The following GALNT16 variants were observed in gnomAD, a reference collection of about 807,000 sequenced individuals.
GALNT16 encodes the protein UDP-GalNAc:polypeptide N-acetylgalactosaminyltransferase-like protein 1.
A neutral mutation model predicts 76.1 loss-of-function variants in GALNT16; 40 were observed. The observed-to-expected ratio is 0.53, with a 90% CI of 0.41 to 0.68. The LOEUF is 0.68. Ranked by LOEUF, GALNT16 falls within the 30% of genes least tolerant of loss-of-function variation. The pLI is 0.00. For synonymous variants in GALNT16, 276 were observed against 285.2 expected, an observed-to-expected ratio of 0.97 and a Z score of 0.32; for missense variants, 621 against 731.9, an observed-to-expected ratio of 0.85 and a Z score of 1.75.
chr14:69,327,909 G>A (rs987599468), intron 5 of GALNT16, among the ~76,000 whole-genome samples: 1 of 152,216 alleles, frequency 6.6e-6, no homozygotes, highest in Non-Finnish European at 1.5e-5. Flanking sequence ...CTGTCGTCTT[G>A]TTTGATCCTG....
At chr14:69,277,467 T>C (rs1191185632) in intron 1 of GALNT16, among the ~76,000 whole-genome samples, 1 of 152,224 alleles carries the variant, frequency 6.6e-6, no homozygotes, top group East Asian at 1.9e-4. Context: ...AGTGAGAGCA[T>C]GCAGTGTTTG....
intron 9 of GALNT16, among the ~76,000 whole-genome samples, chr14:69,334,043 G>A (rs144957595): frequency 1.6e-3 from 239 of 152,372 alleles, no homozygotes; most frequent in Non-Finnish European, 2.6e-3. Flanking sequence ...CCTGCATGCT[G>A]TTTGGCCCTG....
intron 1 of GALNT16, among the ~76,000 whole-genome samples, chr14:69,317,333 C>T (rs1375206105): frequency 6.6e-6 from 1 of 152,246 alleles, no homozygotes; most frequent in Non-Finnish European, 1.5e-5. Flanking sequence ...CATCTGCAGA[C>T]TCCTGCTCCA....
At chr14:69,294,880 G>A (rs912119059) in intron 1 of GALNT16, among the ~76,000 whole-genome samples, 7 of 152,076 alleles carry the variant, frequency 4.6e-5, no homozygotes, top group Admixed American at 4.6e-4. Context: ...CACCGCGCTG[G>A]CTCACATGAT....
chr14:69,337,858 A>G (rs530694056), intron 9 of GALNT16, among the ~76,000 whole-genome samples: 1 of 152,190 alleles, frequency 6.6e-6, no homozygotes, highest in African/African-American at 2.4e-5. Flanking sequence ...GTTGGAGATC[A>G]TGAGTGTCCT....
intron 2 of GALNT16, among the ~76,000 whole-genome samples, chr14:69,322,981 T>TGTGTGTGCGCGC (rs1196943800): frequency 7.1e-5 from 2 of 28,346 alleles, no homozygotes; most frequent in South Asian, 1.5e-3. Flanking sequence ...TGTGTGTGTG[T>TGTGTGTGCGCGC]GCGCGCGCAC....
rs766188989 is a variant in GALNT16, at chr14:69,322,925, GGTGTGTGTGTGT to G, written c.336-1721_336-1710del. Among the ~76,000 whole-genome samples the G allele has an allele frequency of 4.5e-3, 467 of 103,846 alleles. 6 individuals carry two copies. In the Middle Eastern group the frequency reaches 0.045, roughly 10 times the overall value. The allele number at this position is 103,846 out of a possible 152,430, so 68.1% of individuals were successfully genotyped here. ...AAAAGAAAGCTGAGGTGGCTCACGG[GGTGTGTGTGTGT>G]GTGTGTGTGTGTGTGTGTGTGTGTG... On this transcript the variant is annotated intron_variant, in intron 2 of 14. Coordinates refer to ENST00000448469, the MANE Select transcript of GALNT16 (RefSeq NM_001168368.2).
chr14:69,299,959 C>T (rs1028977834), intron 1 of GALNT16, among the ~76,000 whole-genome samples: 1 of 152,158 alleles, frequency 6.6e-6, no homozygotes, highest in Non-Finnish European at 1.5e-5. Context: ...TACAAGAGTT[C>T]GAGCAGCCTC....
intron 11 of GALNT16, among the ~76,000 whole-genome samples, chr14:69,340,101 T>C (rs1170532218): frequency 6.6e-6 from 1 of 152,230 alleles, no homozygotes; most frequent in Non-Finnish European, 1.5e-5. Context: ...AGTAGAACCC[T>C]ATAGATTAGA....
At chr14:69,324,338 C>T (rs948344391) in intron 2 of GALNT16, among the ~76,000 whole-genome samples, 2 of 152,100 alleles carry the variant, frequency 1.3e-5, no homozygotes, top group Non-Finnish European at 2.9e-5. Context: ...CACATACCCC[C>T]CACCATACGA....
At chr14:69,286,980 AC>A (rs1361104336) in intron 1 of GALNT16, among the ~76,000 whole-genome samples, 8 of 152,178 alleles carry the variant, frequency 5.3e-5, no homozygotes, top group Admixed American at 5.2e-4. Context: ...GGACCCGTCT[AC>A]CCCAGGCCTG....
chr14:69,367,281 T>C, the GALNT16 span, among the ~76,000 whole-genome samples: 1 of 152,120 alleles, frequency 6.6e-6, no homozygotes, highest in Admixed American at 6.5e-5. Context: ...CAAACTCATA[T>C]GTTGAAACCT....
intron 1 of GALNT16, among the ~76,000 whole-genome samples, chr14:69,268,393 A>C (rs1278379382): frequency 6.6e-6 from 1 of 152,160 alleles, no homozygotes; most frequent in Non-Finnish European, 1.5e-5. Flanking sequence ...CTAGGTTACA[A>C]ATATAGTAGA....
intron 1 of GALNT16, among the ~76,000 whole-genome samples, chr14:69,287,653 A>G (rs766014880): frequency 5.3e-5 from 8 of 152,054 alleles, no homozygotes; most frequent in South Asian, 2.1e-4. Flanking sequence ...ATCAAGTCCA[A>G]CCTCCAGAGA....
the GALNT16 span, among the ~76,000 whole-genome samples, chr14:69,385,063 A>T: frequency 0.1 from 15,880 of 152,076 alleles, 972 homozygotes; most frequent in East Asian, 0.18. Context: ...CAATGAACTG[A>T]TCTACCTCTG....
At position 69,260,192 on chromosome 14, in the gene GALNT16, G is replaced by C; in HGVS notation, c.-99G>C. 1 of 582,058 alleles carries C rather than the reference G, an allele frequency of 1.7e-6. No homozygotes were observed. Among genetic ancestry groups the C allele is most frequent in the Non-Finnish European group, 3.0e-6 (1 of 336,338 alleles). 36.1% of individuals were successfully genotyped at this position (582,058 alleles called of 1,614,324 possible). A position where few individuals can be genotyped will look rare whatever the true frequency, so the allele number is the denominator to read the frequency against. On this transcript the variant is annotated 5_prime_UTR_variant, in exon 1 of 15. Coordinates refer to ENST00000448469, the MANE Select transcript of GALNT16 (RefSeq NM_001168368.2). ...CTGCTCTGCAGGACTGAGCAGCTAG[G>C]CGCGAGCGAAAACAAACAGCTGGGG...
intron 1 of GALNT16, among the ~76,000 whole-genome samples, chr14:69,317,320 C>T (rs116522698): frequency 0.011 from 1,677 of 152,354 alleles, 32 homozygotes; most frequent in African/African-American, 0.038. Context: ...ACTGGTCACA[C>T]GACATCTGCA....
rs190573623 is a variant in GALNT16, at chr14:69,271,426, C to T, written c.177+10959C>T. ...GAGAGGAAAACTGGGCATAAGGTGA[C>T]AGGTCTGAGCGAGAGTGCTCAGAGG... is the stretch of plus-strand genomic sequence containing the variant. On this transcript the variant is annotated intron_variant, in intron 1 of 14. Transcript: ENST00000448469. Among the ~76,000 whole-genome samples, 5 of 152,320 alleles carry T rather than the reference C, an allele frequency of 3.3e-5. No individual in the cohort carries two copies. The East Asian group carries it at 9.6e-4, about 29-fold the overall frequency.
At chr14:69,339,670 A>G (rs1420935000) in intron 11 of GALNT16, 51 bp downstream of exon 11, 1 of 1,136,144 alleles carries the variant, frequency 8.8e-7, no homozygotes, top group African/African-American at 1.5e-5. Context: ...CATTAGCACA[A>G]CCCCAGCAAA....
Sources: gnomAD v4.1 joint callset for allele counts (sites outside exome capture counted in the v4.1 genomes callset) on GRCh38, gnomAD v4.1.1 for gene constraint, MANE v1.5 for transcripts, NCBI Gene and HGNC (gene_info 2026-07-23, HGNC 2026-07-21) for gene names.